The following CUL3 variants were observed in gnomAD, a reference collection of about 807,000 sequenced individuals.
CUL3 encodes the protein cullin 3, also known as cullin-3.
In CUL3, 19 loss-of-function variants were observed where a neutral mutation model predicts 89.1. The ratio of observed to expected loss-of-function variants is 0.21; its 90% CI spans 0.15 to 0.31. The LOEUF is 0.31. Ranked by LOEUF, CUL3 falls within the 10% of genes least tolerant of loss-of-function variation. The pLI is 1.00. For missense variants in CUL3, 469 were observed against 942.3 expected, an observed-to-expected ratio of 0.50 and a Z score of 6.58; for synonymous variants, 351 against 308.4, an observed-to-expected ratio of 1.14 and a Z score of -1.45.
In CUL3 at chr2:224,470,479, C is replaced by T. The variant is rs886055679; in HGVS notation, c.*3766G>A. The T allele has an allele frequency of 2.6e-5, 6 of 229,678 alleles. No homozygotes were observed. The highest frequency in any genetic ancestry group is 5.7e-5 in the Admixed American group (1 of 17,518). The allele number at this position is 229,678 out of a possible 1,614,324, so 14.2% of individuals were successfully genotyped here. On this transcript the variant is annotated 3_prime_UTR_variant, in exon 16 of 16. Transcript: ENST00000264414. ...CTGGCGTAATGGCCAATCTCTGTAT[C>T]ATTACCTGTTAAATTTATCTGCCAT...
intron 6 of CUL3, 65 bp from the exon 7 acceptor site, chr2:224,507,068 C>G: frequency 6.8e-7 from 1 of 1,479,618 alleles, no homozygotes. Flanking sequence ...AATCTCTGTT[C>G]ACGCTATAAT....
chr2:224,485,741 C>T lies in CUL3; in HGVS notation c.1843-3663G>A, dbSNP rs539375233. 3.3e-5 allele frequency among the ~76,000 whole-genome samples: 5 copies of T among 152,222 alleles called. No homozygotes were observed. Among genetic ancestry groups the T allele is most frequent in the African/African-American group, 7.2e-5 (3 of 41,472 alleles). ...CTGAAGAGAGCAGTGGATCCCACAG[C>T]GCAGCACTCCAGCTCTGCGAAGGGA... On this transcript the variant is annotated intron_variant, in intron 13 of 15. Coordinates refer to ENST00000264414, the MANE Select transcript of CUL3 (RefSeq NM_003590.5). This position sits in a 1 kb window ranked among gnomAD's most constrained non-coding sequence, Gnocchi z 4.1.
At chr2:224,569,808 CTG>C (rs1695140298) in intron 1 of CUL3, 1 of 1,105,696 alleles carries the variant, frequency 9.0e-7, no homozygotes, top group South Asian at 2.0e-5. Context: ...CTTTAGTCCT[CTG>C]TGAATAATTT....
intron 1 of CUL3, among the ~76,000 whole-genome samples, chr2:224,558,600 C>A (rs1416715802): frequency 1.3e-5 from 2 of 152,172 alleles, no homozygotes; most frequent in African/African-American, 4.8e-5. Context: ...ATAAGCAACA[C>A]CTAGGAACTT....
chr2:224,538,191 G>A (rs1189004530), intron 2 of CUL3, among the ~76,000 whole-genome samples: 1 of 152,110 alleles, frequency 6.6e-6, no homozygotes, highest in Non-Finnish European at 1.5e-5. Context: ...GAAGTAAAAT[G>A]AATGCCTTAG....
At chr2:224,580,093 G>A (rs1345398816) in intron 1 of CUL3, among the ~76,000 whole-genome samples, 1 of 152,172 alleles carries the variant, frequency 6.6e-6, no homozygotes, top group Non-Finnish European at 1.5e-5. Flanking sequence ...ATTTCCAGAA[G>A]TTTCACAATT....
intron 13 of CUL3, among the ~76,000 whole-genome samples, chr2:224,488,753 C>G (rs1015016793): frequency 2.0e-4 from 31 of 152,286 alleles, no homozygotes; most frequent in African/African-American, 7.2e-4. Context: ...TTCACCTTAA[C>G]TCATTTTATG....
At chr2:224,498,777 T>C (rs1692266752) in intron 11 of CUL3, among the ~76,000 whole-genome samples, 1 of 152,184 alleles carries the variant, frequency 6.6e-6, no homozygotes, top group South Asian at 2.1e-4. Context: ...TATACAAGAT[T>C]AATGGATTAA....
At chr2:224,563,023 T>C (rs1694951428) in intron 1 of CUL3, 1 of 343,992 alleles carries the variant, frequency 2.9e-6, no homozygotes, top group Non-Finnish European at 5.7e-6. Flanking sequence ...GAGCACAGTA[T>C]AATCCCTCAT....
chr2:224,525,035 G>C (rs7572052), intron 3 of CUL3, among the ~76,000 whole-genome samples: 3 of 149,220 alleles, frequency 2.0e-5, no homozygotes, highest in African/African-American at 7.4e-5. Context: ...AAAAGCTGAG[G>C]AAAGTAATAA....
At chr2:224,509,422 G>T (rs1692729600) in intron 6 of CUL3, among the ~76,000 whole-genome samples, 1 of 152,166 alleles carries the variant, frequency 6.6e-6, no homozygotes, top group African/African-American at 2.4e-5. Flanking sequence ...TCACCAATTT[G>T]CCCAGGTTGG....
chr2:224,565,632 T>C (rs984179246), intron 1 of CUL3, among the ~76,000 whole-genome samples: 3 of 152,190 alleles, frequency 2.0e-5, no homozygotes, highest in African/African-American at 7.2e-5. Context: ...TCCTGCCAGA[T>C]TCTCTAATGT....
chr2:224,524,172 A>G (rs1277663914), intron 3 of CUL3, among the ~76,000 whole-genome samples: 1 of 152,148 alleles, frequency 6.6e-6, no homozygotes, highest in African/African-American at 2.4e-5. Flanking sequence ...GATTCCGGAG[A>G]AAAGGCAAAC....
chr2:224,516,232 C>T (rs1030057456), intron 3 of CUL3, among the ~76,000 whole-genome samples: 5 of 151,712 alleles, frequency 3.3e-5, no homozygotes, highest in Non-Finnish European at 5.9e-5. Context: ...TTATTGATGA[C>T]TTTGAACTTC....
rs2106143153 is a variant in CUL3, at chr2:224,478,286, C to T, written c.2089G>A (p.Asp697Asn). The T allele has an allele frequency of 6.2e-7, 1 of 1,613,736 alleles. No individual in the cohort carries two copies. The highest frequency in any genetic ancestry group is 8.5e-7 in the Non-Finnish European group (1 of 1,179,790). ...GCTTCTATCTCATGTTTTCTGTCGTCGTCTACTTTCTGCCTTGTTTCTTTC... is the reference window on the plus strand; with the variant it reads ...GCTTCTATCTCATGTTTTCTGTCGTTGTCTACTTTCTGCCTTGTTTCTTTC... Reference protein sequence around the residue: ...ERKETRQKVDDDRKHEIEAAI... With the variant: ...ERKETRQKVDNDRKHEIEAAI... The change falls in exon 15 of 16, where the codon GAC becomes AAC. Residue 697 changes from aspartate (D) to asparagine (N), a missense_variant. Around this residue, in one of 4 missense-constraint regions of CUL3, gnomAD observed 65 missense variants for 147.8 expected, o/e 0.44. Transcript: ENST00000264414.
Position 224,495,857 on chromosome 2 carries a change from T to C in CUL3, c.1817A>G (p.Asn606Ser), listed in dbSNP as rs1397893982. The C allele has an allele frequency of 1.2e-6, 2 of 1,611,858 alleles. No individual in the cohort carries two copies. Among genetic ancestry groups the C allele is most frequent in the Admixed American group, 1.7e-5 (1 of 59,960 alleles). ...TFQMTILMLF[N>S]NREKYTFEEI... Reference sequence around the variant, plus strand: ...CTCAAATGTGTATTTTTCTCTATTATTAAAGAGCATTAATATGGTCATCTG... The same window carrying C: ...CTCAAATGTGTATTTTTCTCTATTACTAAAGAGCATTAATATGGTCATCTG... The change falls in exon 13 of 16, where the codon AAT (asparagine) becomes AGT (serine). Residue 606 changes from asparagine to serine, a missense_variant. Asn to Ser is a conservative substitution (Grantham distance 46). This residue lies in a region of CUL3 where 370 missense variants were observed against 733.2 expected (regional missense o/e 0.50). Coordinates refer to ENST00000264414, the MANE Select transcript of CUL3 (RefSeq NM_003590.5).
intron 2 of CUL3, among the ~76,000 whole-genome samples, chr2:224,549,860 G>A (rs953392774): frequency 9.2e-5 from 14 of 151,458 alleles, no homozygotes; most frequent in Admixed American, 3.9e-4. Context: ...ACATATATGC[G>A]TGCACACACA....
intron 6 of CUL3, 35 bp downstream of exon 6, chr2:224,511,319 A>C: frequency 7.0e-7 from 1 of 1,425,640 alleles, no homozygotes. Flanking sequence ...AAGGCAGAGT[A>C]AGGATTTAAT....
rs1044640951 is a variant in CUL3 at position 224,471,628 on chromosome 2, A to G, written c.*2617T>C. The G allele has an allele frequency of 2.4e-5, 5 of 211,426 alleles. No individual in the cohort carries two copies. The highest frequency in any genetic ancestry group is 9.1e-5 in the African/African-American group (4 of 44,134). The allele number at this position is 211,426 out of a possible 1,614,324, so 13.1% of individuals were successfully genotyped here. On this transcript the variant is annotated 3_prime_UTR_variant, in exon 16 of 16. Coordinates refer to ENST00000264414, the MANE Select transcript of CUL3 (RefSeq NM_003590.5). ...CTAGCATACCTTTAGAAAGGCATGCATCTCTTCCCCCATTCCCTTTTTAAG... is the reference window on the plus strand; with the variant it reads ...CTAGCATACCTTTAGAAAGGCATGCGTCTCTTCCCCCATTCCCTTTTTAAG...
Sources: gnomAD v4.1 joint callset for allele counts (sites outside exome capture counted in the v4.1 genomes callset) on GRCh38, gnomAD v4.1.1 for gene constraint, gnomAD v4.1.1 regional missense constraint, Gnocchi (gnomAD v3.1) non-coding constraint, MANE v1.5 for transcripts, NCBI Gene and HGNC (gene_info 2026-07-23, HGNC 2026-07-21) for gene names.